MICAL3: variants seen among roughly 807,000 people sequenced by gnomAD.
MICAL3 encodes microtubule associated monooxygenase, calponin and LIM domain containing 3.
MICAL3 carries 62 observed loss-of-function variants against 207.4 expected under a neutral mutation model. The ratio of observed to expected loss-of-function variants is 0.30; its 90% CI spans 0.24 to 0.37. MICAL3 has a LOEUF of 0.37. MICAL3 is among the 10% of genes least tolerant of loss of function. The pLI is 1.00. For synonymous variants in MICAL3, 1,077 were observed against 1,069.3 expected, an observed-to-expected ratio of 1.01 and a Z score of -0.14; for missense variants, 2,368 against 2,635.6, an observed-to-expected ratio of 0.90 and a Z score of 2.22.
At chr22:17,924,011 G>A (rs1932857064) in intron 1 of MICAL3, among the ~76,000 whole-genome samples, 2 of 152,334 alleles carry the variant, frequency 1.3e-5, no homozygotes, top group South Asian at 4.1e-4. Flanking sequence ...AAGGAGAAGT[G>A]CAGCACGAAG....
At chr22:17,850,717 A>G (rs966832775) in intron 19 of MICAL3, among the ~76,000 whole-genome samples, 1 of 151,934 alleles carries the variant, frequency 6.6e-6, no homozygotes, top group Non-Finnish European at 1.5e-5. Flanking sequence ...TGGCCGAGTT[A>G]GTTTTTTACT....
chr22:17,851,497 G>T (rs1925334860), intron 19 of MICAL3, among the ~76,000 whole-genome samples: 1 of 152,182 alleles, frequency 6.6e-6, no homozygotes, highest in Admixed American at 6.5e-5. Context: ...AGTGCATCAG[G>T]GTAGGCAGTC....
intron 1 of MICAL3, among the ~76,000 whole-genome samples, chr22:17,979,803 A>C (rs1044781289): frequency 2.0e-5 from 3 of 151,682 alleles, no homozygotes; most frequent in Non-Finnish European, 4.4e-5. Flanking sequence ...ACAAAAAAAA[A>C]ACCCACAGGT....
At chr22:17,809,617 G>A (rs1254892375) in intron 28 of MICAL3, among the ~76,000 whole-genome samples, 1 of 151,938 alleles carries the variant, frequency 6.6e-6, no homozygotes, top group Admixed American at 6.6e-5. Flanking sequence ...GCCACGGAGT[G>A]AGACTCCGTC....
At chr22:17,860,603 A>G (rs2146127006) in intron 19 of MICAL3, 1 of 985,506 alleles carries the variant, frequency 1.0e-6, no homozygotes, top group Admixed American at 6.1e-5. Context: ...AGATGCACTA[A>G]CCACCAAAAG....
chr22:17,943,862 G>C (rs764227344), intron 1 of MICAL3, among the ~76,000 whole-genome samples: 1 of 152,240 alleles, frequency 6.6e-6, no homozygotes, highest in Non-Finnish European at 1.5e-5. Flanking sequence ...GGAAAAGGCA[G>C]TGCAGGTGAG....
chr22:17,936,685 A>T (rs547492518), intron 1 of MICAL3, among the ~76,000 whole-genome samples: 2 of 152,342 alleles, frequency 1.3e-5, no homozygotes, highest in South Asian at 4.1e-4. Flanking sequence ...AGGCTTAAAA[A>T]TATCTGTGGA....
At chr22:17,953,379 C>T (rs973885596) in intron 1 of MICAL3, among the ~76,000 whole-genome samples, 5 of 152,112 alleles carry the variant, frequency 3.3e-5, no homozygotes, top group South Asian at 2.1e-4. Flanking sequence ...AAACAACTTC[C>T]GGGCAGTGGG....
intron 1 of MICAL3, among the ~76,000 whole-genome samples, chr22:17,946,355 T>C (rs1458045366): frequency 6.6e-6 from 1 of 152,244 alleles, no homozygotes; most frequent in Non-Finnish European, 1.5e-5. Flanking sequence ...TCTCACACTC[T>C]GCCTGCAACC....
At chr22:17,832,562 G>A (rs1242527586) in intron 20 of MICAL3, among the ~76,000 whole-genome samples, 2 of 152,218 alleles carry the variant, frequency 1.3e-5, no homozygotes, top group African/African-American at 2.4e-5. Context: ...GCTGGTTTAC[G>A]TTTCATAGAC....
rs370529217 is a variant in MICAL3, at chr22:17,833,044, G to A, written c.2802-937C>T. 6.3e-4 allele frequency among the ~76,000 whole-genome samples: 96 copies of A among 152,266 alleles called. 1 individual carries two copies. The highest frequency in any genetic ancestry group is 2.1e-3 in the African/African-American group (89 of 41,556). The stretch of plus-strand genomic sequence containing the variant: ...CTCACAGCTGCAGGCAAGCGTGGCC[G>A]ACATAGGAAGCCGCACACCTGTAAG... On this transcript the variant is annotated intron_variant, in intron 20 of 31. Coordinates refer to ENST00000441493, the MANE Select transcript of MICAL3 (RefSeq NM_015241.3).
In MICAL3 at chr22:17,852,699, G is replaced by A. The variant is rs892985714; in HGVS notation, c.2606-10682C>T. 5.9e-5 allele frequency among the ~76,000 whole-genome samples: 9 copies of A among 152,274 alleles called. No individual in the cohort carries two copies. In the South Asian group the frequency reaches 6.2e-4, roughly 11 times the overall value. On this transcript the variant is annotated intron_variant, in intron 19 of 31. Coordinates refer to ENST00000441493, the MANE Select transcript of MICAL3 (RefSeq NM_015241.3). ...AACCCCAGACAGGCCCTGGGACCAC[G>A]CATAAACCCTTGCTCTGCCTAAGAG...
intron 19 of MICAL3, chr22:17,860,068 C>T (rs966349516): frequency 5.4e-6 from 3 of 553,440 alleles, no homozygotes; most frequent in Admixed American, 1.3e-4. Flanking sequence ...CCACAGTGGC[C>T]TCAAGCTCAC....
In MICAL3 at chr22:18,010,889, C is replaced by CGAA. The variant is rs1382163627; in HGVS notation, c.-75+13391_-75+13392insTTC. On this transcript the variant is annotated intron_variant, in intron 1 of 31. Transcript: ENST00000441493. ...GGAAGAGAATGGGGTATGCCTTTCC[C>CGAA]CATACTTTTGTAATGGGGAAAAAAT... Among the ~76,000 whole-genome samples, 1,353 of 152,124 alleles carry CGAA rather than the reference C, an allele frequency of 8.9e-3. 14 individuals are homozygous for CGAA. Among genetic ancestry groups the CGAA allele is most frequent in the African/African-American group, 0.03 (1,243 of 41,500 alleles).
At chr22:18,014,480 G>C (rs59692059) in intron 1 of MICAL3, among the ~76,000 whole-genome samples, 4,035 of 151,964 alleles carry the variant, frequency 0.027, 67 homozygotes, top group African/African-American at 0.034. Flanking sequence ...CCCCTTCCCT[G>C]TTTCCCACTT....
chr22:17,815,204 C>T (rs2062091651), intron 27 of MICAL3: 1 of 152,570 alleles, frequency 6.6e-6, no homozygotes, highest in Non-Finnish European at 1.5e-5. Flanking sequence ...GGGTCCTGTT[C>T]CTGTTTCTCC....
intron 1 of MICAL3, chr22:17,983,522 C>CTCTACCTATT (rs1298120713): frequency 6.6e-6 from 1 of 152,440 alleles, no homozygotes; most frequent in African/African-American, 2.4e-5. Context: ...TGGAGACCGG[C>CTCTACCTATT]AGTGTCCTTC....
chr22:17,997,050 CTTTTTT>C (rs71716810), intron 1 of MICAL3, among the ~76,000 whole-genome samples: 6 of 75,530 alleles, frequency 7.9e-5, no homozygotes, highest in East Asian at 4.5e-4. Flanking sequence ...CCCATCTAGT[CTTTTTT>C]TTTTTTTTTT....
At chr22:17,870,564 C>T (rs1244686744) in intron 17 of MICAL3, among the ~76,000 whole-genome samples, 2 of 152,184 alleles carry the variant, frequency 1.3e-5, no homozygotes, top group Non-Finnish European at 2.9e-5. Context: ...CTTGCGACAT[C>T]TTCTTTCCGG....
Sources: gnomAD v4.1 joint callset for allele counts (sites outside exome capture counted in the v4.1 genomes callset) on GRCh38, gnomAD v4.1.1 for gene constraint, MANE v1.5 for transcripts, NCBI Gene and HGNC (gene_info 2026-07-23, HGNC 2026-07-21) for gene names.